The following PARP4 variants were observed in gnomAD, a reference collection of about 807,000 sequenced individuals.
PARP4 encodes poly(ADP-ribose) polymerase family member 4, also known as protein mono-ADP-ribosyltransferase PARP4.
Under a neutral mutation model 187.7 loss-of-function variants are expected in PARP4, and 120 were observed. That is an observed-to-expected ratio of 0.64 (90% CI 0.55 to 0.74). The LOEUF is 0.74. Ranked by LOEUF, PARP4 falls within the 30% of genes least tolerant of loss-of-function variation. The pLI, the probability that PARP4 is intolerant of heterozygous loss-of-function variation, is 0.00. For missense variants in PARP4, 1,836 were observed against 2,070.5 expected (o/e 0.89, Z 2.20); for synonymous variants, 654 against 740.9 (o/e 0.88, Z 1.90).
chr13:24,469,054 A>AT lies in PARP4; in HGVS notation c.2102dup (p.His701GlnfsTer24), dbSNP rs1312956035. 1 of 1,613,818 alleles carries AT rather than the reference A, an allele frequency of 6.2e-7. No homozygotes were observed. The highest frequency in any genetic ancestry group is 8.5e-7 in the Non-Finnish European group (1 of 1,179,818). ...CATCCTGACTCATCAGGTAAGCGCC[A>AT]TGGCCCTGGGTCACGGCTTCTAGGT... On this transcript the variant is annotated frameshift_variant, in exon 17 of 34. Coordinates refer to ENST00000381989, the MANE Select transcript of PARP4 (RefSeq NM_006437.4). LOFTEE classifies it high-confidence loss of function.
At chr13:24,455,737 C>T (rs1021689677) in intron 21 of PARP4, among the ~76,000 whole-genome samples, 2 of 149,964 alleles carry the variant, frequency 1.3e-5, no homozygotes, top group African/African-American at 4.9e-5. Context: ...CCTGTCTTAG[C>T]CTCCTGAGAA....
chr13:24,469,934 C>T lies in PARP4; in HGVS notation c.2006G>A (p.Gly669Asp). ...CTTCCCATTGATGAAGGCTTCGAAG[C>T]CACACACAGCGGCCTTGTCATCCAA... ...FPLDDKAAVC[G>D]FEAFINGKHI... The change falls in exon 16 of 34, where the codon GGC becomes GAC. Residue 669 changes from glycine to aspartate, a missense_variant. Around this residue, in one of 8 missense-constraint regions of PARP4, gnomAD observed 1,147 missense variants for 1,214.2 expected, o/e 0.94. Coordinates refer to ENST00000381989, the MANE Select transcript of PARP4 (RefSeq NM_006437.4). The T allele has an allele frequency of 6.2e-7, 1 of 1,613,794 alleles. No homozygotes were observed. Among genetic ancestry groups the T allele is most frequent in the Non-Finnish European group, 8.5e-7 (1 of 1,179,788 alleles).
intron 20 of PARP4, among the ~76,000 whole-genome samples, chr13:24,458,452 C>T (rs1454210970): frequency 1.3e-5 from 2 of 151,852 alleles, no homozygotes; most frequent in African/African-American, 4.8e-5. Flanking sequence ...TGGCACAGGC[C>T]TGTAGCCCTA....
chr13:24,510,875 C>G (rs1869978015), intron 1 of PARP4, among the ~76,000 whole-genome samples: 1 of 152,202 alleles, frequency 6.6e-6, no homozygotes, highest in African/African-American at 2.4e-5. Context: ...TCACAGCTCA[C>G]TGCAACCTCG....
chr13:24,505,222 T>A (rs565686504), intron 1 of PARP4, among the ~76,000 whole-genome samples: 1 of 152,148 alleles, frequency 6.6e-6, no homozygotes, highest in Non-Finnish European at 1.5e-5. Flanking sequence ...TGCGGCTTTA[T>A]GTGCAGCACA....
intron 30 of PARP4, among the ~76,000 whole-genome samples, chr13:24,440,269 G>A (rs1262653947): frequency 6.6e-6 from 1 of 151,638 alleles, no homozygotes; most frequent in Non-Finnish European, 1.5e-5. Context: ...GTGGTGGCGC[G>A]TACCTGTAAT....
intron 6 of PARP4, among the ~76,000 whole-genome samples, chr13:24,495,304 C>G (rs941436147): frequency 6.6e-6 from 1 of 151,996 alleles, no homozygotes; most frequent in African/African-American, 2.4e-5. Context: ...TCCAAGTCTA[C>G]AGACTCCTTA....
intron 3 of PARP4, among the ~76,000 whole-genome samples, chr13:24,500,942 T>C (rs1363146208): frequency 6.6e-6 from 1 of 152,160 alleles, no homozygotes; most frequent in Non-Finnish European, 1.5e-5. Context: ...GAATAAATTA[T>C]GCTGGCTGTC....
chr13:24,475,418 A>T, intron 15 of PARP4, 54 bp downstream of exon 15: 2 of 1,508,924 alleles, frequency 1.3e-6, no homozygotes, highest in South Asian at 1.2e-5. Flanking sequence ...TCAAATTCTC[A>T]TGTATGGTTT....
rs571400936 is a variant in PARP4, at chr13:24,437,496, T to A, written c.3667-2022A>T. ...TCACAAAGGGCTAATTTCCCTAACA[T>A]AAAAAGTTTACCTAAGATAAATAAA... On this transcript the variant is annotated intron_variant, in intron 30 of 33. Transcript: ENST00000381989. Among the ~76,000 whole-genome samples, 4 of 151,854 alleles carry A rather than the reference T, an allele frequency of 2.6e-5. No homozygotes were observed. In the South Asian group the frequency reaches 8.3e-4, roughly 32 times the overall value.
At chr13:24,499,817 C>A (rs1869172896) in intron 4 of PARP4, among the ~76,000 whole-genome samples, 1 of 152,162 alleles carries the variant, frequency 6.6e-6, no homozygotes, top group South Asian at 2.1e-4. Context: ...TTTGGATTTT[C>A]TTCTCTTTAA....
chr13:24,460,826 C>T lies in PARP4; in HGVS notation c.2134-690G>A, dbSNP rs373957830. Among the ~76,000 whole-genome samples, 57 of 152,238 alleles carry T rather than the reference C, an allele frequency of 3.7e-4. 1 individual carries two copies. The South Asian group carries it at 0.011, about 29-fold the overall frequency. The stretch of plus-strand genomic sequence containing the variant: ...AAGTAGATGGGACTACAGGCACGCA[C>T]CACCATGCCTGGCTGATTTTTAAAT... On this transcript the variant is annotated intron_variant, in intron 17 of 33. Coordinates refer to ENST00000381989, the MANE Select transcript of PARP4 (RefSeq NM_006437.4).
chr13:24,432,917 A>T (rs1269757390), intron 31 of PARP4, among the ~76,000 whole-genome samples: 3 of 152,170 alleles, frequency 2.0e-5, no homozygotes, highest in Non-Finnish European at 4.4e-5. Context: ...GGTCCTAGGC[A>T]GGTGCACAGG....
intron 24 of PARP4, among the ~76,000 whole-genome samples, chr13:24,450,388 A>G (rs1036832584): frequency 5.3e-5 from 8 of 150,702 alleles, no homozygotes; most frequent in Admixed American, 2.0e-4. Context: ...TTCCTCCTGA[A>G]ATATTAAAGA....
chr13:24,498,043 G>T, intron 6 of PARP4, 73 bp downstream of exon 6: 1 of 1,023,532 alleles, frequency 9.8e-7, no homozygotes, highest in Non-Finnish European at 1.5e-6. Context: ...AGGTTGGGAG[G>T]TCGGCTGATT....
At chr13:24,488,169 C>T (rs139872189) in intron 10 of PARP4, among the ~76,000 whole-genome samples, 11,825 of 151,986 alleles carry the variant, frequency 0.078, 543 homozygotes, top group Non-Finnish European at 0.11. Context: ...GGCTGAACTG[C>T]AGCTGCCACT....
intron 17 of PARP4, among the ~76,000 whole-genome samples, chr13:24,466,921 T>C (rs185699118): frequency 6.7e-6 from 1 of 149,988 alleles, no homozygotes; most frequent in Non-Finnish European, 1.5e-5. Context: ...ATGGTACAAA[T>C]AGAAAACAAC....
intron 30 of PARP4, among the ~76,000 whole-genome samples, chr13:24,440,703 G>A (rs1375631234): frequency 2.6e-5 from 4 of 151,508 alleles, no homozygotes; most frequent in Admixed American, 2.0e-4. Flanking sequence ...CTGGGGTTCA[G>A]ACCTGAGCAT....
intron 17 of PARP4, among the ~76,000 whole-genome samples, chr13:24,461,531 G>A (rs563133151): frequency 7.9e-5 from 12 of 152,286 alleles, no homozygotes; most frequent in South Asian, 4.1e-4. Context: ...AACTCCTCCC[G>A]GCTGAGAGTG....
Sources: gnomAD v4.1 joint callset for allele counts (sites outside exome capture counted in the v4.1 genomes callset) on GRCh38, gnomAD v4.1.1 for gene constraint, gnomAD v4.1.1 regional missense constraint, MANE v1.5 for transcripts, NCBI Gene and HGNC (gene_info 2026-07-23, HGNC 2026-07-21) for gene names.